The following MMS19 variants were observed in gnomAD, a reference collection of about 807,000 sequenced individuals.
The protein encoded by MMS19 is MMS19 nucleotide excision repair protein homolog.
MMS19 carries 77 observed loss-of-function variants against 129.8 expected under a neutral mutation model. The ratio of observed to expected loss-of-function variants is 0.59; its 90% CI spans 0.49 to 0.72. The LOEUF (loss-of-function observed/expected upper bound fraction) is 0.72, where lower values mean the gene tolerates loss of function less well. Ranked by LOEUF, MMS19 falls within the 30% of genes least tolerant of loss-of-function variation. MMS19 has a pLI of 0.00. For synonymous variants in MMS19, 491 were observed against 502.8 expected (o/e 0.98, Z 0.31); for missense variants, 1,168 against 1,266.3 (o/e 0.92, Z 1.18).
intron 14 of MMS19, 143 bp downstream of exon 14, chr10:97,467,362 C>T (rs2033725101): frequency 3.2e-6 from 2 of 620,012 alleles, no homozygotes; most frequent in South Asian, 4.0e-5. Flanking sequence ...TCCATCTCAT[C>T]TGTTAAGTGT....
intron 3 of MMS19, 132 bp from the exon 4 acceptor site, chr10:97,478,521 A>G (rs921880860): frequency 9.2e-6 from 6 of 654,480 alleles, no homozygotes; most frequent in African/African-American, 1.8e-5. Context: ...ACCAAGAGAC[A>G]TGTCCTGTGC....
chr10:97,462,446 C>A (rs546491479), intron 20 of MMS19, 137 bp downstream of exon 20: 2 of 685,572 alleles, frequency 2.9e-6, no homozygotes. Context: ...GTTTTGTCAA[C>A]AAAACTTACA....
chr10:97,478,800 TA>T (rs2036223196), intron 3 of MMS19, among the ~76,000 whole-genome samples: 1 of 152,192 alleles, frequency 6.6e-6, no homozygotes. Flanking sequence ...TATGTTCCAA[TA>T]AAAGTTTATA....
chr10:97,479,254 T>C (rs1204374900), intron 3 of MMS19, among the ~76,000 whole-genome samples: 2 of 152,286 alleles, frequency 1.3e-5, no homozygotes, highest in Non-Finnish European at 2.9e-5. Flanking sequence ...CCTCCACTCA[T>C]TGGAGCCGTA....
intron 3 of MMS19, among the ~76,000 whole-genome samples, chr10:97,478,970 T>C (rs531814776): frequency 2.6e-4 from 39 of 152,250 alleles, no homozygotes; most frequent in African/African-American, 9.1e-4. Flanking sequence ...TGCTTGCCTA[T>C]AGGGAGGCTG....
chr10:97,495,837 A>G (rs2039680937), intron 1 of MMS19, among the ~76,000 whole-genome samples: 1 of 152,218 alleles, frequency 6.6e-6, no homozygotes, highest in South Asian at 2.1e-4. Flanking sequence ...GCTGGAGTGC[A>G]GGGGCGCGAT....
chr10:97,459,018 G>C, intron 29 of MMS19, 118 bp from the exon 30 acceptor site: 1 of 1,099,212 alleles, frequency 9.1e-7, no homozygotes. Flanking sequence ...TGATTCCAAG[G>C]GATGTTAAGT....
rs1028517022 is a variant in MMS19 at position 97,462,719 on chromosome 10, C to CCA, written c.1913-38_1913-37insTG. 8 of 1,502,662 alleles carry CCA rather than the reference C, an allele frequency of 5.3e-6. No homozygotes were observed. In the African/African-American group the frequency reaches 1.1e-4, roughly 21 times the overall value. 93.1% of individuals were successfully genotyped at this position (1,502,662 alleles called of 1,614,324 possible). A position where few individuals can be genotyped will look rare whatever the true frequency, so the allele number is the denominator to read the frequency against. ...ACACACATGCACACAATCACAAGACCATGACGGGTTCAAGAAATGAATGAT... is the reference window on the plus strand; with the variant it reads ...ACACACATGCACACAATCACAAGACCCAATGACGGGTTCAAGAAATGAATGAT... On this transcript the variant is annotated intron_variant, in intron 19 of 30. Transcript: ENST00000438925.
chr10:97,477,974 A>G, intron 4 of MMS19, 45 bp from the exon 5 acceptor site: 1 of 1,340,480 alleles, frequency 7.5e-7, no homozygotes. Context: ...GAATTGCAGC[A>G]TGGCCTCCAA....
At chr10:97,485,917 G>T (rs1423051151) in intron 1 of MMS19, among the ~76,000 whole-genome samples, 1 of 152,192 alleles carries the variant, frequency 6.6e-6, no homozygotes, top group Non-Finnish European at 1.5e-5. Context: ...ACAGCATGGA[G>T]GTTTCTTAAA....
intron 1 of MMS19, among the ~76,000 whole-genome samples, chr10:97,495,291 C>A (rs773866906): frequency 1.2e-4 from 19 of 152,218 alleles, no homozygotes; most frequent in Non-Finnish European, 2.6e-4. Flanking sequence ...GCCTTTAACC[C>A]TTAGGCTGCC....
rs752490159 is a variant in MMS19 at position 97,465,977 on chromosome 10, A to C, written c.1607-23T>G. The C allele has an allele frequency of 1.5e-5, 25 of 1,613,338 alleles. No homozygotes were observed. In the African/African-American group the frequency reaches 2.1e-4, roughly 14 times the overall value. Reference sequence around the variant, plus strand: ...CCCCTGAAAGCAACCCATGAGACAAAGGTTTACTGTGTGATAGGAAGCACG... The same window carrying C: ...CCCCTGAAAGCAACCCATGAGACAACGGTTTACTGTGTGATAGGAAGCACG... On this transcript the variant is annotated intron_variant, in intron 17 of 30. Coordinates refer to ENST00000438925, the MANE Select transcript of MMS19 (RefSeq NM_022362.5).
Position 97,461,605 on chromosome 10 carries a change from C to A in MMS19, c.2202G>T (p.Leu734=). 1 of 1,599,134 alleles carries A rather than the reference C, an allele frequency of 6.3e-7. No individual in the cohort carries two copies. Among genetic ancestry groups the A allele is most frequent in the South Asian group, 1.1e-5 (1 of 88,324 alleles). The stretch of plus-strand genomic sequence containing the variant: ...CCAAAAGCTCCCGCATGAGTTGGTT[C>A]AGCTGAGGGATTTCCACCTACAGAA... ...SLPRNVEIPQ[L]NQLMRELLEL... is the part of the protein sequence containing the mutation. Residue 734 remains leucine, a synonymous_variant, in exon 23 of 31, where the codon CTG becomes CTT. Transcript: ENST00000438925.
At chr10:97,496,416 G>T (rs2039790410) in intron 1 of MMS19, among the ~76,000 whole-genome samples, 1 of 151,072 alleles carries the variant, frequency 6.6e-6, no homozygotes, top group South Asian at 2.1e-4. Flanking sequence ...CGGGAGGCTT[G>T]AGGCAGGAGG....
intron 26 of MMS19, 98 bp from the exon 27 acceptor site, chr10:97,459,839 A>G: frequency 9.2e-7 from 1 of 1,086,302 alleles, no homozygotes; most frequent in Non-Finnish European, 1.4e-6. Context: ...ATCAGCCTAC[A>G]AACGGGTGAA....
intron 19 of MMS19, 36 bp downstream of exon 19, chr10:97,463,822 G>T: frequency 6.3e-7 from 1 of 1,593,524 alleles, no homozygotes; most frequent in Non-Finnish European, 8.6e-7. Flanking sequence ...AGAGGGCAAA[G>T]TTCCCAAAGG....
At position 97,461,252 on chromosome 10, in the gene MMS19, C is replaced by T. The variant is rs192670885; in HGVS notation, c.2311+244G>A. 1,276 of 610,912 alleles carry T rather than the reference C, an allele frequency of 2.1e-3. 31 individuals are homozygous for T. In the South Asian group the frequency reaches 0.024, roughly 12 times the overall value. 37.8% of individuals were successfully genotyped at this position (610,912 alleles called of 1,614,324 possible). On this transcript the variant is annotated intron_variant, in intron 23 of 30. Transcript: ENST00000438925. ...TAAAGAATTATCCACACTAGCCCCACTGTAGGGAGTAGGACGGCAGAACTA... is the reference window on the plus strand; with the variant it reads ...TAAAGAATTATCCACACTAGCCCCATTGTAGGGAGTAGGACGGCAGAACTA...
chr10:97,489,567 A>G (rs1248855906), intron 1 of MMS19, among the ~76,000 whole-genome samples: 2 of 152,234 alleles, frequency 1.3e-5, no homozygotes, highest in African/African-American at 4.8e-5. Flanking sequence ...TAGCACTGAT[A>G]CACACTATTA....
At chr10:97,461,441 A>C in intron 23 of MMS19, 55 bp downstream of exon 23, 1 of 1,586,232 alleles carries the variant, frequency 6.3e-7, no homozygotes, top group South Asian at 1.2e-5. Context: ...CTGAGCTATA[A>C]GATTTCATGG....
Sources: allele counts gnomAD v4.1 joint callset (sites outside exome capture counted in the v4.1 genomes callset), GRCh38; gene constraint gnomAD v4.1.1; transcripts MANE v1.5; gene names NCBI Gene and HGNC (gene_info 2026-07-23, HGNC 2026-07-21).